GAK: variants seen among roughly 807,000 people sequenced by gnomAD.
GAK encodes cyclin-G-associated kinase.
GAK carries 79 observed loss-of-function variants against 143.9 expected under a neutral mutation model. That is an observed-to-expected ratio of 0.55 (90% confidence interval 0.46 to 0.66). The LOEUF is 0.66. Ranked by LOEUF, GAK falls within the 30% of genes least tolerant of loss-of-function variation. The probability of loss-of-function intolerance (pLI) is 0.00; values close to 1 mark genes in which losing one functional copy is unlikely to be tolerated. For synonymous variants in GAK, 881 were observed against 765.5 expected, an observed-to-expected ratio of 1.15 and a Z score of -2.49; for missense variants, 1,693 against 1,779.7, an observed-to-expected ratio of 0.95 and a Z score of 0.88.
In GAK at chr4:866,427, G is replaced by A. The variant is rs745913761; in HGVS notation, c.2980C>T (p.Pro994Ser). ...GCACTGTGGGCAGACGGGAAGGATG[G>A]TGGGACGGTCACAGAGTCCGAATTG... is the stretch of plus-strand genomic sequence containing the variant. ...FLNSDSVTVP[P>S]SFPSAHSAPP... is the part of the protein sequence containing the mutation. Residue 994 changes from proline (P) to serine (S), a missense_variant, in exon 22 of 28, where the codon CCA becomes TCA. Pro to Ser is a moderately conservative substitution (Grantham distance 74). Around this residue, in one of 2 missense-constraint regions of GAK, gnomAD observed 822 missense variants for 788.7 expected, o/e 1.04. Transcript: ENST00000314167. 1.2e-6 allele frequency: 2 copies of A among 1,614,150 alleles called. No homozygotes were observed. The highest frequency in any genetic ancestry group is 1.1e-5 in the South Asian group (1 of 91,090).
chr4:854,307 C>T (rs952137272), intron 24 of GAK, among the ~76,000 whole-genome samples: 1 of 152,122 alleles, frequency 6.6e-6, no homozygotes, highest in African/African-American at 2.4e-5. Context: ...TTGTTTTTGA[C>T]TGTATTTTTA....
At chr4:912,580 G>A in intron 3 of GAK, 155 bp downstream of exon 3, 2 of 562,344 alleles carry the variant, frequency 3.6e-6, no homozygotes, top group African/African-American at 3.8e-5. Flanking sequence ...CCTAGAAGTC[G>A]CCTACAACTA....
chr4:925,337 T>C (rs778748953), intron 1 of GAK, among the ~76,000 whole-genome samples: 1 of 152,076 alleles, frequency 6.6e-6, no homozygotes, highest in Admixed American at 6.5e-5. Context: ...CCAGCGTCCA[T>C]GCAAAGGGCT....
At chr4:894,240 A>G (rs576142888) in intron 7 of GAK, 1 of 238,138 alleles carries the variant, frequency 4.2e-6, no homozygotes, top group Non-Finnish European at 7.1e-6. Context: ...CAGGGGTGAC[A>G]CCCGGGCCGC....
intron 5 of GAK, among the ~76,000 whole-genome samples, chr4:902,191 C>T (rs1405526624): frequency 3.3e-5 from 5 of 150,604 alleles, no homozygotes; most frequent in Non-Finnish European, 4.4e-5. Context: ...GAGCCGAGAT[C>T]GTGCCACTGC....
rs113464039 is a variant in GAK at position 931,243 on chromosome 4, G to A, written c.145+800C>T. Among the ~76,000 whole-genome samples, 159 of 152,304 alleles carry A rather than the reference G, an allele frequency of 1.0e-3. 1 individual carries two copies. Among genetic ancestry groups the A allele is most frequent in the African/African-American group, 3.6e-3 (149 of 41,546 alleles). On this transcript the variant is annotated intron_variant, in intron 1 of 27. Transcript: ENST00000314167. ...AACTGACTCAAGACTGACTCAAGAG[G>A]ACTTAAGCCGAGTGACCTGTCCACT...
chr4:882,799 T>C lies in GAK; in HGVS notation c.1425A>G (p.Ala475=). 1 of 1,609,894 alleles carries C rather than the reference T, an allele frequency of 6.2e-7. No individual in the cohort carries two copies. The highest frequency in any genetic ancestry group is 1.3e-5 in the African/African-American group (1 of 75,012). The change falls in exon 14 of 28, where the codon GCA becomes GCG. Residue 475 remains alanine, a synonymous_variant. Coordinates refer to ENST00000314167, the MANE Select transcript of GAK (RefSeq NM_005255.4). ...FHNRVSECGW[A]ARRAPHLHTL... ...TGTGCAGGTGTGGGGCCCGCCGTGC[T>C]GCCCAGCCACACTCGGAGACCTGTG...
At chr4:882,379 G>C (rs903362651) in intron 14 of GAK, among the ~76,000 whole-genome samples, 1 of 152,192 alleles carries the variant, frequency 6.6e-6, no homozygotes, top group Non-Finnish European at 1.5e-5. Flanking sequence ...ACTAAGCCTC[G>C]AGCTGCAGAT....
intron 1 of GAK, among the ~76,000 whole-genome samples, chr4:916,757 G>A (rs186254590): frequency 1.8e-3 from 268 of 152,288 alleles, no homozygotes; most frequent in African/African-American, 6.2e-3. Context: ...AATGGAAAAT[G>A]GTACAATCAC....
At chr4:913,091 CG>C (rs1333224814) in intron 2 of GAK, among the ~76,000 whole-genome samples, 3 of 151,934 alleles carry the variant, frequency 2.0e-5, no homozygotes, top group East Asian at 3.9e-4. Flanking sequence ...TCTGCAGACA[CG>C]GGGGCAGCAG....
At chr4:871,965 GA>G (rs1473545090) in intron 18 of GAK, among the ~76,000 whole-genome samples, 1 of 152,142 alleles carries the variant, frequency 6.6e-6, no homozygotes, top group Non-Finnish European at 1.5e-5. Flanking sequence ...ATACACCTAA[GA>G]AAATAAAGAA....
chr4:892,724 C>T (rs1235591750), intron 9 of GAK, among the ~76,000 whole-genome samples: 2 of 152,160 alleles, frequency 1.3e-5, no homozygotes, highest in African/African-American at 4.8e-5. Flanking sequence ...TCAGGACACC[C>T]CAGGACGCCC....
At chr4:919,061 G>T (rs1467691710) in intron 1 of GAK, among the ~76,000 whole-genome samples, 1 of 126,556 alleles carries the variant, frequency 7.9e-6, no homozygotes, top group East Asian at 2.7e-4. Context: ...AAAGGCCTCA[G>T]TGCCGCATGA....
At chr4:873,853 G>A (rs1713234118) in intron 18 of GAK, among the ~76,000 whole-genome samples, 1 of 152,192 alleles carries the variant, frequency 6.6e-6, no homozygotes, top group African/African-American at 2.4e-5. Context: ...AATCCAGCCC[G>A]ATTAACTGGA....
rs532634892 is a variant in GAK, at chr4:924,815, C to T, written c.145+7228G>A. On this transcript the variant is annotated intron_variant, in intron 1 of 27. Coordinates refer to ENST00000314167, the MANE Select transcript of GAK (RefSeq NM_005255.4). ...GCTCTCCTGTGAGATCTGATTGGGT[C>T]GTGGGGGTGGAGTTCCCCCGGGGGG... is the stretch of plus-strand genomic sequence containing the variant. Among the ~76,000 whole-genome samples, 7 of 127,660 alleles carry T rather than the reference C, an allele frequency of 5.5e-5. No individual in the cohort carries two copies. The East Asian group carries it at 1.0e-3, about 19-fold the overall frequency. 83.7% of individuals were successfully genotyped at this position (127,660 alleles called of 152,430 possible). A position where few individuals can be genotyped will look rare whatever the true frequency, so the allele number is the denominator to read the frequency against.
intron 27 of GAK, 55 bp from the exon 28 acceptor site, chr4:849,829 G>GGCGGGGGC: frequency 7.3e-7 from 1 of 1,377,966 alleles, no homozygotes; most frequent in Non-Finnish European, 9.9e-7. Flanking sequence ...GGCGGGCGGG[G>GGCGGGGGC]CAGGACCCCC....
rs897771907 is a variant in GAK at position 858,380 on chromosome 4, T to G, written c.3283+1226A>C. On this transcript the variant is annotated intron_variant, in intron 24 of 27. Transcript: ENST00000314167. ...CCCACCGAGCCAGCAGGCGGAGGGC[T>G]GGGGCTGTGTCTGGGACACAAACGG... 2.0e-4 allele frequency among the ~76,000 whole-genome samples: 30 copies of G among 151,510 alleles called. 1 individual carries two copies. The highest frequency in any genetic ancestry group is 5.8e-4 in the African/African-American group (24 of 41,152).
intron 1 of GAK, among the ~76,000 whole-genome samples, chr4:922,754 C>T (rs1192911324): frequency 6.6e-6 from 1 of 152,178 alleles, no homozygotes; most frequent in African/African-American, 2.4e-5. Context: ...AGTTTTCTAA[C>T]AAACTAAACA....
In GAK at chr4:882,619, G is replaced by A. The variant is rs776685265; in HGVS notation, c.1527+78C>T. On this transcript the variant is annotated intron_variant, in intron 14 of 27. Coordinates refer to ENST00000314167, the MANE Select transcript of GAK (RefSeq NM_005255.4). Reference sequence around the variant, plus strand: ...GAACAGGCCCCAGCTCATGACTGGCGCTCAGATCCTGTTGAACTATGCATG... The same window carrying A: ...GAACAGGCCCCAGCTCATGACTGGCACTCAGATCCTGTTGAACTATGCATG... 4.0e-5 allele frequency: 62 copies of A among 1,545,570 alleles called. No homozygotes were observed. In the Admixed American group the frequency reaches 5.8e-4, roughly 14 times the overall value.
Sources: allele counts gnomAD v4.1 joint callset (sites outside exome capture counted in the v4.1 genomes callset), GRCh38; gene constraint gnomAD v4.1.1; regional missense constraint gnomAD v4.1.1; transcripts MANE v1.5; gene names NCBI Gene and HGNC (gene_info 2026-07-23, HGNC 2026-07-21).